Variants in STK38L observed in about 807,000 individuals in gnomAD.
The protein encoded by STK38L is serine/threonine kinase 38 like.
A neutral mutation model predicts 59.7 loss-of-function variants in STK38L; 28 were observed. That is an observed-to-expected ratio of 0.47 (90% CI 0.35 to 0.64). The LOEUF is 0.64. STK38L is among the 30% of genes least tolerant of loss of function. The probability of loss-of-function intolerance (pLI) is 0.01; values close to 1 mark genes in which losing one functional copy is unlikely to be tolerated. For synonymous variants in STK38L, 162 were observed against 176.8 expected (o/e 0.92, Z 0.66); for missense variants, 314 against 555.8 (o/e 0.56, Z 4.37).
intron 1 of STK38L, among the ~76,000 whole-genome samples, chr12:27,269,949 C>T (rs1314983018): frequency 6.6e-6 from 1 of 152,152 alleles, no homozygotes; most frequent in Non-Finnish European, 1.5e-5. Context: ...GGCCAACTTT[C>T]AATCGTAAGT....
At chr12:27,273,993 G>C (rs939119402) in intron 1 of STK38L, among the ~76,000 whole-genome samples, 1 of 151,974 alleles carries the variant, frequency 6.6e-6, no homozygotes, top group Admixed American at 6.6e-5. Context: ...GGTGGTTCAC[G>C]CCTGTAATCC....
At chr12:27,311,876 C>T (rs1944462123) in intron 5 of STK38L, among the ~76,000 whole-genome samples, 2 of 151,864 alleles carry the variant, frequency 1.3e-5, no homozygotes, top group African/African-American at 4.8e-5. Flanking sequence ...ATTTACAGGG[C>T]ATTGCTTACT....
chr12:27,255,859 C>A (rs970207173), intron 1 of STK38L, among the ~76,000 whole-genome samples: 17 of 152,178 alleles, frequency 1.1e-4, no homozygotes, highest in African/African-American at 4.1e-4. Flanking sequence ...CATCTGTCTT[C>A]TAGATATCAC....
intron 1 of STK38L, among the ~76,000 whole-genome samples, chr12:27,294,504 C>CA (rs63041360): frequency 0.031 from 3,108 of 101,342 alleles, 68 homozygotes; most frequent in African/African-American, 0.078. Context: ...GAAATTCTGT[C>CA]AAAAAAAAAA....
At chr12:27,262,459 A>G (rs1177974354) in intron 1 of STK38L, among the ~76,000 whole-genome samples, 8 of 152,222 alleles carry the variant, frequency 5.3e-5, no homozygotes, top group Non-Finnish European at 1.5e-5. Flanking sequence ...TAACGTTAAA[A>G]ATCGTAAAAC....
intron 1 of STK38L, among the ~76,000 whole-genome samples, chr12:27,283,310 AT>A (rs1447303933): frequency 3.9e-5 from 6 of 152,228 alleles, no homozygotes; most frequent in Admixed American, 3.9e-4. Flanking sequence ...AACAGTTAAC[AT>A]TTAATGAGTA....
chr12:27,280,819 T>G (rs7955286), intron 1 of STK38L, among the ~76,000 whole-genome samples: 11,192 of 152,252 alleles, frequency 0.074, 484 homozygotes, highest in African/African-American at 0.12. Flanking sequence ...TCCAACAGCT[T>G]ATAAAACTCT....
rs868026383 is a variant in STK38L at position 27,292,768 on chromosome 12, G to C, written c.-11-4942G>C. On this transcript the variant is annotated intron_variant, in intron 1 of 13. Coordinates refer to ENST00000389032, the MANE Select transcript of STK38L (RefSeq NM_015000.4). ...ATCATAATCATTACTAAATTATATA[G>C]AGTCTAAAAGTAATATTTCATTACT... 3.9e-5 allele frequency among the ~76,000 whole-genome samples: 6 copies of C among 152,136 alleles called. No homozygotes were observed. The South Asian group carries it at 8.3e-4, about 21-fold the overall frequency.
At chr12:27,257,119 A>G (rs1008138456) in intron 1 of STK38L, among the ~76,000 whole-genome samples, 7 of 152,212 alleles carry the variant, frequency 4.6e-5, no homozygotes, top group Non-Finnish European at 7.3e-5. Context: ...ACACAAAACC[A>G]AGAATGCCAG....
intron 2 of STK38L, among the ~76,000 whole-genome samples, chr12:27,300,886 G>C (rs1227043011): frequency 6.6e-6 from 1 of 152,166 alleles, no homozygotes. Flanking sequence ...GCTTACCTTT[G>C]GACATGTAGC....
At chr12:27,287,154 C>T (rs1439996919) in intron 1 of STK38L, among the ~76,000 whole-genome samples, 1 of 148,928 alleles carries the variant, frequency 6.7e-6, no homozygotes, top group Admixed American at 6.7e-5. Flanking sequence ...GGCTGGAGTG[C>T]AATGGTGCGT....
intron 1 of STK38L, among the ~76,000 whole-genome samples, chr12:27,260,811 G>A (rs922654911): frequency 6.6e-6 from 1 of 151,934 alleles, no homozygotes; most frequent in Admixed American, 6.6e-5. Flanking sequence ...CTGGTATTTT[G>A]TGTCATTTGT....
rs141961019 is a variant in STK38L, at chr12:27,300,230, T to C, written c.135-1907T>C. On this transcript the variant is annotated intron_variant, in intron 2 of 13. Coordinates refer to ENST00000389032, the MANE Select transcript of STK38L (RefSeq NM_015000.4). ...AAAAGCTTATACTTTTAAGAAAATG[T>C]GATGTATTTTTAAGGCTTAACTAAT... Among the ~76,000 whole-genome samples the C allele has an allele frequency of 2.2e-3, 330 of 152,352 alleles. 1 individual carries two copies. The highest frequency in any genetic ancestry group is 7.2e-3 in the African/African-American group (299 of 41,584).
intron 1 of STK38L, among the ~76,000 whole-genome samples, chr12:27,244,630 C>G (rs945827118): frequency 6.6e-6 from 1 of 152,178 alleles, no homozygotes; most frequent in Non-Finnish European, 1.5e-5. Flanking sequence ...GCTCCGGGTC[C>G]CCGCCTGGGC....
intron 1 of STK38L, among the ~76,000 whole-genome samples, chr12:27,253,163 A>G (rs1417303247): frequency 1.3e-5 from 2 of 152,194 alleles, no homozygotes. Flanking sequence ...GCACCTGGTA[A>G]GTTCTGTTAA....
At chr12:27,246,095 C>G (rs1018603168) in intron 1 of STK38L, among the ~76,000 whole-genome samples, 5 of 152,158 alleles carry the variant, frequency 3.3e-5, no homozygotes, top group Non-Finnish European at 7.3e-5. Flanking sequence ...AAATAGATGT[C>G]CTTGTTAGTT....
At chr12:27,317,618 C>T in intron 10 of STK38L, 165 bp downstream of exon 10, 1 of 711,514 alleles carries the variant, frequency 1.4e-6, no homozygotes, top group Admixed American at 3.1e-5. Context: ...GTGAGCTCCC[C>T]ACGGATCCTG....
chr12:27,315,092 C>T lies in STK38L; in HGVS notation c.750C>T (p.Leu250=). The T allele has an allele frequency of 6.2e-7, 1 of 1,613,620 alleles. No homozygotes were observed. Among genetic ancestry groups the T allele is most frequent in the East Asian group, 2.2e-5 (1 of 44,810 alleles). ...KAHRTEFYRN[L]THNPPSDFSF... is the part of the protein sequence containing the mutation. ...ACAGGACTGAATTTTATAGAAATCT[C>T]ACACACAACCCACCAAGTGACTTCT... Residue 250 remains leucine (L), a synonymous_variant, in exon 8 of 14, where the codon CTC becomes CTT. Coordinates refer to ENST00000389032, the MANE Select transcript of STK38L (RefSeq NM_015000.4).
intron 1 of STK38L, among the ~76,000 whole-genome samples, chr12:27,292,836 C>T (rs1159397550): frequency 6.6e-6 from 1 of 152,174 alleles, no homozygotes; most frequent in Non-Finnish European, 1.5e-5. Context: ...ATTACAACTT[C>T]CTATGATGGA....
Sources: gnomAD v4.1 joint callset for allele counts (sites outside exome capture counted in the v4.1 genomes callset) on GRCh38, gnomAD v4.1.1 for gene constraint, MANE v1.5 for transcripts, NCBI Gene and HGNC (gene_info 2026-07-23, HGNC 2026-07-21) for gene names.